Variants in FBXO34 observed in about 807,000 individuals in gnomAD.
FBXO34 encodes F-box protein 34, also known as F-box only protein 34.
Under a neutral mutation model 24.5 loss-of-function variants are expected in FBXO34, and 12 were observed. The observed-to-expected ratio is 0.49, with a 90% confidence interval of 0.31 to 0.79. The LOEUF (loss-of-function observed/expected upper bound fraction) is 0.79. FBXO34 is among the 30% of genes least tolerant of loss of function. The pLI is 0.04. For missense variants in FBXO34, 823 were observed against 857.7 expected (o/e 0.96, Z 0.51); for synonymous variants, 320 against 311.9 (o/e 1.03, Z -0.27).
the FBXO34 span, chr14:55,433,612 AG>A: frequency 6.2e-7 from 1 of 1,605,424 alleles, no homozygotes. Context: ...GTAGGGGTGG[AG>A]GGATGATTCC....
At chr14:55,355,643 A>C (rs1023380032), downstream of FBXO34, among the ~76,000 whole-genome samples, 2 of 152,210 alleles carry the variant, frequency 1.3e-5, no homozygotes, top group Admixed American at 6.5e-5. Context: ...GAGGCTATGC[A>C]TTGGTTATAT....
chr14:55,435,880 A>G, the FBXO34 span: 1 of 1,574,394 alleles, frequency 6.4e-7, no homozygotes, highest in Non-Finnish European at 8.6e-7. Context: ...TTGCATGCAA[A>G]GCTATTTTCT....
chr14:55,431,401 C>T, the FBXO34 span, among the ~76,000 whole-genome samples: 1 of 152,208 alleles, frequency 6.6e-6, no homozygotes, highest in Non-Finnish European at 1.5e-5. Context: ...CACCATTTAG[C>T]TGCTTACTTC....
intron 1 of FBXO34, among the ~76,000 whole-genome samples, chr14:55,276,595 C>A (rs558578800): frequency 6.6e-6 from 1 of 151,662 alleles, no homozygotes; most frequent in South Asian, 2.1e-4. Context: ...CTCTCGGCCC[C>A]GAGGAAGGGG....
At chr14:55,346,434 G>C (rs1232864014) in intron 1 of FBXO34, among the ~76,000 whole-genome samples, 1 of 152,166 alleles carries the variant, frequency 6.6e-6, no homozygotes, top group Non-Finnish European at 1.5e-5. Context: ...TAATGGACTA[G>C]GTATACTTGA....
the FBXO34 span, chr14:55,395,357 G>A: frequency 0.064 from 13,171 of 206,018 alleles, 509 homozygotes; most frequent in Non-Finnish European, 0.081. Flanking sequence ...TAAATTTTTT[G>A]TTTGTTTGTT....
the FBXO34 span, among the ~76,000 whole-genome samples, chr14:55,402,927 A>ATT: frequency 1.1e-4 from 1 of 8,928 alleles, no homozygotes; most frequent in Admixed American, 1.2e-3. Context: ...AAAAAAAAAA[A>ATT]TATATATATA....
chr14:55,405,779 A>G, the FBXO34 span, among the ~76,000 whole-genome samples: 1 of 151,972 alleles, frequency 6.6e-6, no homozygotes, highest in South Asian at 2.1e-4. Context: ...ACTGCCTAAT[A>G]TCATTCTTCT....
At chr14:55,377,276 G>A in the FBXO34 span, among the ~76,000 whole-genome samples, 1 of 152,156 alleles carries the variant, frequency 6.6e-6, no homozygotes, top group Non-Finnish European at 1.5e-5. Flanking sequence ...GAACCCAGGA[G>A]GTGGAGGTTG....
At chr14:55,308,309 C>G (rs1397983978) in intron 1 of FBXO34, among the ~76,000 whole-genome samples, 2 of 152,156 alleles carry the variant, frequency 1.3e-5, no homozygotes, top group African/African-American at 4.8e-5. Context: ...TTCAGGAGAT[C>G]TACTGGATAG....
At chr14:55,371,485 G>A (rs564079048), downstream of FBXO34, among the ~76,000 whole-genome samples, 6 of 152,264 alleles carry the variant, frequency 3.9e-5, no homozygotes, top group South Asian at 1.2e-3. Flanking sequence ...TTTCCCACTT[G>A]GTCTCCAGTG....
chr14:55,362,801 A>C (rs527609242), downstream of FBXO34, among the ~76,000 whole-genome samples: 157 of 151,754 alleles, frequency 1.0e-3, no homozygotes, highest in African/African-American at 3.7e-3. Flanking sequence ...AATTGAGAGC[A>C]ACATACTTAC....
downstream of FBXO34, among the ~76,000 whole-genome samples, chr14:55,358,454 C>T (rs141795477): frequency 1.1e-3 from 167 of 152,330 alleles, no homozygotes; most frequent in Non-Finnish European, 2.0e-3. Context: ...AGCATCCTCC[C>T]ACCCTCTGTA....
At chr14:55,396,980 A>T in the FBXO34 span, among the ~76,000 whole-genome samples, 2 of 152,216 alleles carry the variant, frequency 1.3e-5, no homozygotes, top group Admixed American at 6.5e-5. Context: ...GATACAGGTA[A>T]TGTGCAGACC....
chr14:55,425,147 G>C, the FBXO34 span, among the ~76,000 whole-genome samples: 5 of 152,218 alleles, frequency 3.3e-5, no homozygotes. Flanking sequence ...ACTGGCTCCA[G>C]AAAGGCGCAT....
At chr14:55,436,367 G>A in the FBXO34 span, among the ~76,000 whole-genome samples, 1 of 152,202 alleles carries the variant, frequency 6.6e-6, no homozygotes, top group East Asian at 1.9e-4. Context: ...CCACCTTAGA[G>A]GTCAAGAATT....
chr14:55,420,263 G>T, the FBXO34 span, among the ~76,000 whole-genome samples: 3 of 152,210 alleles, frequency 2.0e-5, no homozygotes, highest in African/African-American at 7.2e-5. Context: ...TAGAGACAGG[G>T]TCTTGCCATG....
At chr14:55,413,202 T>C in the FBXO34 span, among the ~76,000 whole-genome samples, 2 of 152,258 alleles carry the variant, frequency 1.3e-5, no homozygotes, top group East Asian at 3.8e-4. Flanking sequence ...AAAAGGATTA[T>C]TTTTTAAGGT....
chr14:55,386,167 A>C, the FBXO34 span: 1 of 1,275,630 alleles, frequency 7.8e-7, no homozygotes, highest in East Asian at 2.3e-5. Context: ...GCTCCACCCC[A>C]CAAACATGCG....
Sources: gnomAD v4.1 joint callset for allele counts (sites outside exome capture counted in the v4.1 genomes callset) on GRCh38, gnomAD v4.1.1 for gene constraint, MANE v1.5 for transcripts, NCBI Gene and HGNC (gene_info 2026-07-23, HGNC 2026-07-21) for gene names.